The following PLAC1 variants were observed in gnomAD, a reference collection of about 807,000 sequenced individuals.
The protein encoded by PLAC1 is placenta associated 1.
For synonymous variants in PLAC1, 68 were observed against 62.1 expected (o/e 1.09, Z -0.44); for missense variants, 136 against 163.2 (o/e 0.83, Z 0.91).
At chrX:134,744,291 A>T (rs1346410770) in intron 1 of PLAC1, among the ~76,000 whole-genome samples, 4 of 110,292 alleles carry the variant, frequency 3.6e-5, no homozygotes, top group Non-Finnish European at 7.6e-5. Context: ...CAAAAAAAAA[A>T]AAAAAAGAAA....
At chrX:134,647,958 G>A (rs1456716782) in intron 1 of PLAC1, among the ~76,000 whole-genome samples, 3 of 111,068 alleles carry the variant, frequency 2.7e-5, no homozygotes, top group African/African-American at 9.8e-5. Context: ...GCAACCCATC[G>A]AAATCAAGAG....
At chrX:134,571,197 A>G (rs1186602866) in intron 2 of PLAC1, among the ~76,000 whole-genome samples, 1 of 112,425 alleles carries the variant, frequency 8.9e-6, no homozygotes, top group Non-Finnish European at 1.9e-5. Flanking sequence ...TAAATTTTTT[A>G]TGCTGAAAAT....
intron 1 of PLAC1, among the ~76,000 whole-genome samples, chrX:134,602,690 A>C (rs1202943244): frequency 8.9e-6 from 1 of 111,803 alleles, no homozygotes; most frequent in Admixed American, 9.5e-5. Flanking sequence ...CAAAATAGTT[A>C]TACTGAGTGA....
intron 1 of PLAC1, among the ~76,000 whole-genome samples, chrX:134,656,796 A>G (rs1166897696): frequency 9.0e-6 from 1 of 111,490 alleles, no homozygotes; most frequent in Admixed American, 9.5e-5. Context: ...TACATTGCTC[A>G]GGCTGGTCTT....
intron 2 of PLAC1, among the ~76,000 whole-genome samples, chrX:134,677,123 T>C (rs1233683335): frequency 9.0e-6 from 1 of 111,344 alleles, no homozygotes; most frequent in Non-Finnish European, 1.9e-5. Context: ...GCCCTGGAAA[T>C]ATGGATTGTT....
At chrX:134,634,131 A>G (rs1307028940) in intron 1 of PLAC1, among the ~76,000 whole-genome samples, 1 of 111,810 alleles carries the variant, frequency 8.9e-6, no homozygotes, top group Non-Finnish European at 1.9e-5. Flanking sequence ...GGATGTTTCT[A>G]TAAAGGGGGA....
chrX:134,745,640 C>T (rs2078727466), intron 1 of PLAC1, among the ~76,000 whole-genome samples: 1 of 111,844 alleles, frequency 8.9e-6, no homozygotes, highest in African/African-American at 3.3e-5. Flanking sequence ...GAACTATAGT[C>T]ATATCCGCAG....
chrX:134,630,040 A>T (rs1472662592), intron 1 of PLAC1, among the ~76,000 whole-genome samples: 1 of 97,640 alleles, frequency 1.0e-5, no homozygotes, highest in Non-Finnish European at 2.0e-5. Flanking sequence ...GGTGCGATCT[A>T]AGCTCACTGC....
intron 1 of PLAC1, among the ~76,000 whole-genome samples, chrX:134,646,968 G>GTCTA (rs1256957318): frequency 8.9e-6 from 1 of 111,981 alleles, no homozygotes; most frequent in Non-Finnish European, 1.9e-5. Flanking sequence ...CTTTGGGTCT[G>GTCTA]TTTTGTGTGT....
intron 1 of PLAC1, among the ~76,000 whole-genome samples, chrX:134,640,696 C>T (rs776309548): frequency 9.8e-5 from 11 of 112,035 alleles, no homozygotes; most frequent in Non-Finnish European, 1.1e-4. Flanking sequence ...CACTGTGTCC[C>T]ACACAGATAC....
At chrX:134,675,315 T>C (rs1391456296) in intron 2 of PLAC1, among the ~76,000 whole-genome samples, 4 of 112,707 alleles carry the variant, frequency 3.5e-5, no homozygotes, top group Non-Finnish European at 1.9e-5. Context: ...TTGGTGAGAT[T>C]GCTTTGTCCC....
At chrX:134,760,062 G>A (rs1280328522) in intron 1 of PLAC1, 1 of 111,556 alleles carries the variant, frequency 9.0e-6, no homozygotes, top group Non-Finnish European at 1.9e-5. Context: ...TTGGGTTATG[G>A]ACACCCTAAA....
At position 134,725,299 on chromosome X, in the gene PLAC1, G is replaced by A. The variant is rs189823967; in HGVS notation, n.174+8136C>T. On this transcript the variant is annotated intron_variant and non_coding_transcript_variant, in intron 2 of 2. Transcript: ENST00000466797. ...TGTCATGGCTGTTCCCTCACTTCCC[G>A]TCCCCTCCCCTTACCCCCTCTCTTC... is the stretch of plus-strand genomic sequence containing the variant. Among the ~76,000 whole-genome samples, 418 of 110,552 alleles carry A rather than the reference G, an allele frequency of 3.8e-3. 2 individuals carry two copies. Among genetic ancestry groups the A allele is most frequent in the African/African-American group, 0.013 (390 of 30,379 alleles).
intron 2 of PLAC1, among the ~76,000 whole-genome samples, chrX:134,567,793 GGAAA>G (rs1296084183): frequency 6.7e-5 from 6 of 88,901 alleles, no homozygotes; most frequent in African/African-American, 1.6e-4. Context: ...AGAAAAGAAA[GGAAA>G]GAAAGAGAGA....
At chrX:134,575,565 T>C (rs1290997467) in intron 2 of PLAC1, among the ~76,000 whole-genome samples, 7 of 109,356 alleles carry the variant, frequency 6.4e-5, no homozygotes, top group Non-Finnish European at 1.3e-4. Context: ...GTCAGGAGAT[T>C]GAGACCATCC....
chrX:134,681,755 A>T (rs2078496867), intron 2 of PLAC1, among the ~76,000 whole-genome samples: 1 of 111,687 alleles, frequency 9.0e-6, no homozygotes, highest in Non-Finnish European at 1.9e-5. Context: ...TGAAAAAAAA[A>T]TTGATTGAAA....
intron 2 of PLAC1, among the ~76,000 whole-genome samples, chrX:134,713,171 C>T (rs753934631): frequency 9.9e-5 from 11 of 111,103 alleles, no homozygotes; most frequent in South Asian, 3.8e-4. Flanking sequence ...ATGGTAAGTC[C>T]GCAAAAAAGT....
intron 2 of PLAC1, among the ~76,000 whole-genome samples, chrX:134,567,734 G>T (rs1393055196): frequency 1.0e-5 from 1 of 100,499 alleles, no homozygotes; most frequent in East Asian, 3.2e-4. Flanking sequence ...CTCCAGCCTG[G>T]GCAACAGAGA....
intron 1 of PLAC1, among the ~76,000 whole-genome samples, chrX:134,623,647 T>C (rs769473629): frequency 1.8e-5 from 2 of 111,558 alleles, no homozygotes; most frequent in Non-Finnish European, 3.8e-5. Flanking sequence ...TGCTTCTGAG[T>C]GGGGCCAGCT....
Sources: allele counts gnomAD v4.1 joint callset (sites outside exome capture counted in the v4.1 genomes callset), GRCh38; gene constraint gnomAD v4.1.1; transcripts MANE v1.5; gene names NCBI Gene and HGNC (gene_info 2026-07-23, HGNC 2026-07-21).